RAD51B: variants seen among roughly 807,000 people sequenced by gnomAD.
RAD51B encodes RAD51 paralog B.
Under a neutral mutation model 42.2 loss-of-function variants are expected in RAD51B, and 38 were observed. The ratio of observed to expected loss-of-function variants is 0.90; its 90% CI spans 0.70 to 1.18. The LOEUF is 1.18. RAD51B is among the 50% of genes most tolerant of loss of function. The pLI is 0.00. For synonymous variants in RAD51B, 154 were observed against 145.2 expected, an observed-to-expected ratio of 1.06 and a Z score of -0.43; for missense variants, 373 against 400.7, an observed-to-expected ratio of 0.93 and a Z score of 0.59.
chr14:68,175,187 A>G (rs144400202), intron 7 of RAD51B, among the ~76,000 whole-genome samples: 127 of 152,164 alleles, frequency 8.3e-4, no homozygotes, highest in Non-Finnish European at 1.5e-3. Context: ...ACAACTTCAA[A>G]CTCCATTTTC....
In RAD51B at chr14:67,899,339, A is replaced by G. The variant is rs188349467; in HGVS notation, c.756+12135A>G. Among the ~76,000 whole-genome samples, 139 of 152,112 alleles carry G rather than the reference A, an allele frequency of 9.1e-4. 1 individual carries two copies. The highest frequency in any genetic ancestry group is 3.9e-3 in the South Asian group (19 of 4,826). On this transcript the variant is annotated intron_variant, in intron 7 of 10. Transcript: ENST00000471583. The stretch of plus-strand genomic sequence containing the variant: ...GCTGGGATTACAGGTGTGAGCCACC[A>G]CACCCGGCCTAGATTATTTTAATGT...
chr14:68,415,550 C>G (rs896629548), intron 9 of RAD51B, among the ~76,000 whole-genome samples: 1 of 152,136 alleles, frequency 6.6e-6, no homozygotes, highest in Non-Finnish European at 1.5e-5. Context: ...GCATGTAAAC[C>G]GGACTTGCAG....
chr14:68,097,942 C>T (rs1442940061), intron 7 of RAD51B, among the ~76,000 whole-genome samples: 1 of 152,190 alleles, frequency 6.6e-6, no homozygotes, highest in East Asian at 1.9e-4. Flanking sequence ...TGGCTGCATA[C>T]TCCATTTCCT....
At chr14:68,045,047 C>T (rs757799923) in intron 7 of RAD51B, among the ~76,000 whole-genome samples, 12 of 151,812 alleles carry the variant, frequency 7.9e-5, no homozygotes, top group Non-Finnish European at 1.8e-4. Context: ...TGAGACCAGC[C>T]TCATCATGGA....
exon 11 of RAD51B, chr14:68,595,596 A>G: frequency 9.4e-7 from 1 of 1,066,336 alleles, no homozygotes; most frequent in Non-Finnish European, 1.1e-6. Context: ...AGAACAAGGG[A>G]GCAGCCTGAG....
At chr14:68,480,743 C>T (rs891556835), downstream of RAD51B, among the ~76,000 whole-genome samples, 3 of 152,142 alleles carry the variant, frequency 2.0e-5, no homozygotes, top group Admixed American at 6.5e-5. Context: ...TCCTTTCCCT[C>T]GCAGGGACTG....
chr14:68,633,211 TC>T (rs1892272866), intron 10 of RAD51B, among the ~76,000 whole-genome samples: 1 of 151,842 alleles, frequency 6.6e-6, no homozygotes. Flanking sequence ...ACTCTCCAGG[TC>T]CTTGGGACCC....
At chr14:68,630,893 C>G (rs1892212848) in intron 10 of RAD51B, among the ~76,000 whole-genome samples, 4 of 152,152 alleles carry the variant, frequency 2.6e-5, no homozygotes, top group Admixed American at 2.6e-4. Flanking sequence ...CACCTTTGGA[C>G]TGTTCAGCAG....
intron 9 of RAD51B, among the ~76,000 whole-genome samples, chr14:68,418,127 T>C (rs1453313336): frequency 6.6e-6 from 1 of 152,242 alleles, no homozygotes; most frequent in African/African-American, 2.4e-5. Context: ...ACCACCATGA[T>C]GTTTTAAACA....
chr14:68,278,319 A>G (rs1213056318), intron 7 of RAD51B, among the ~76,000 whole-genome samples: 1 of 152,212 alleles, frequency 6.6e-6, no homozygotes, highest in Non-Finnish European at 1.5e-5. Flanking sequence ...TATTTGAAAG[A>G]AGGGATTTTG....
chr14:67,932,355 T>A (rs1595127566), intron 7 of RAD51B, among the ~76,000 whole-genome samples: 2 of 152,286 alleles, frequency 1.3e-5, no homozygotes, highest in East Asian at 3.9e-4. Flanking sequence ...TCCTCCATGG[T>A]TTATGGTGTG....
intron 8 of RAD51B, among the ~76,000 whole-genome samples, chr14:68,361,073 T>C (rs2083014646): frequency 6.6e-6 from 1 of 152,212 alleles, no homozygotes; most frequent in Non-Finnish European, 1.5e-5. Flanking sequence ...TTCTATGACC[T>C]GTCTTGAGGA....
intron 7 of RAD51B, among the ~76,000 whole-genome samples, chr14:68,265,469 G>T (rs2080971798): frequency 6.6e-6 from 1 of 152,168 alleles, no homozygotes; most frequent in African/African-American, 2.4e-5. Context: ...CTAACTGTCG[G>T]CCAGGCGCGG....
chr14:68,264,935 G>C (rs1207220719), intron 7 of RAD51B, among the ~76,000 whole-genome samples: 1 of 152,180 alleles, frequency 6.6e-6, no homozygotes, highest in Non-Finnish European at 1.5e-5. Flanking sequence ...AGGGAACTCT[G>C]CCTCTGAAAT....
chr14:68,627,529 C>T (rs1022528442), intron 10 of RAD51B, among the ~76,000 whole-genome samples: 10 of 152,152 alleles, frequency 6.6e-5, no homozygotes, highest in African/African-American at 2.2e-4. Context: ...CCAGGAGCCG[C>T]GTTTGGAAGG....
chr14:68,349,367 T>C (rs2082736826), intron 8 of RAD51B, among the ~76,000 whole-genome samples: 1 of 152,132 alleles, frequency 6.6e-6, no homozygotes, highest in South Asian at 2.1e-4. Flanking sequence ...TTTTTATTTT[T>C]TATTTTTTCA....
chr14:68,506,322 T>C (rs951183385), intron 10 of RAD51B, among the ~76,000 whole-genome samples: 3 of 152,226 alleles, frequency 2.0e-5, no homozygotes, highest in Non-Finnish European at 4.4e-5. Flanking sequence ...CCTTTGTCTC[T>C]GCTTTCCACC....
At chr14:68,195,446 T>G (rs1233728490) in intron 7 of RAD51B, among the ~76,000 whole-genome samples, 2 of 152,180 alleles carry the variant, frequency 1.3e-5, no homozygotes, top group Admixed American at 1.3e-4. Context: ...TTACCTCTAA[T>G]TAACAGCTTT....
At chr14:68,473,616 A>T (rs1317637058) in intron 10 of RAD51B, among the ~76,000 whole-genome samples, 1 of 152,192 alleles carries the variant, frequency 6.6e-6, no homozygotes, top group Non-Finnish European at 1.5e-5. Context: ...TATGAAAAAA[A>T]ATTTTAAATA....
Sources: allele counts gnomAD v4.1 joint callset (sites outside exome capture counted in the v4.1 genomes callset), GRCh38; gene constraint gnomAD v4.1.1; transcripts MANE v1.5; gene names NCBI Gene and HGNC (gene_info 2026-07-23, HGNC 2026-07-21).